Variants in BTBD9 observed in about 807,000 individuals in gnomAD.
BTBD9 encodes BTB domain containing 9, also known as BTB/POZ domain-containing protein 9.
Under a neutral mutation model 64.3 loss-of-function variants are expected in BTBD9, and 49 were observed. The observed-to-expected ratio is 0.76, with a 90% CI of 0.61 to 0.97. BTBD9 has a LOEUF of 0.97. Among genes scored for constraint, BTBD9 ranks in the 50% least tolerant of loss-of-function variants. BTBD9 has a pLI of 0.00. For synonymous variants in BTBD9, 260 were observed against 274.7 expected, an observed-to-expected ratio of 0.95 and a Z score of 0.53; for missense variants, 598 against 762.1, an observed-to-expected ratio of 0.78 and a Z score of 2.53.
intron 6 of BTBD9, among the ~76,000 whole-genome samples, chr6:38,408,290 C>T (rs1767259229): frequency 6.6e-6 from 1 of 152,078 alleles, no homozygotes. Flanking sequence ...CCCAGGAGTT[C>T]AAGTCTGCAG....
chr6:38,636,559 G>C (rs2127537264), intron 1 of BTBD9, among the ~76,000 whole-genome samples: 1 of 152,236 alleles, frequency 6.6e-6, no homozygotes, highest in South Asian at 2.1e-4. Flanking sequence ...CTTACCTCTA[G>C]CTGGTCATAA....
chr6:38,553,405 C>T (rs1774895426), intron 6 of BTBD9, among the ~76,000 whole-genome samples: 1 of 152,202 alleles, frequency 6.6e-6, no homozygotes, highest in Admixed American at 6.5e-5. Flanking sequence ...ACAGATCCAA[C>T]ACAAAGCTGT....
intron 9 of BTBD9, among the ~76,000 whole-genome samples, chr6:38,197,843 C>T (rs1762315911): frequency 6.6e-6 from 1 of 152,188 alleles, no homozygotes; most frequent in Admixed American, 6.5e-5. Flanking sequence ...GGATTACACA[C>T]ACTAAACTGT....
chr6:38,322,781 T>A (rs1202017633), intron 7 of BTBD9, among the ~76,000 whole-genome samples: 1 of 152,244 alleles, frequency 6.6e-6, no homozygotes, highest in Admixed American at 6.5e-5. Context: ...AAAATTATTA[T>A]AACTGATTTA....
Position 38,573,656 on chromosome 6 carries a change from C to G in BTBD9, c.1154+3944G>C, listed in dbSNP as rs117715678. Among the ~76,000 whole-genome samples, 334 of 152,316 alleles carry G rather than the reference C, an allele frequency of 2.2e-3. 6 individuals are homozygous for G. The East Asian group carries it at 0.036, about 17-fold the overall frequency. ...AGGTTTTAGACCAAGATCCCACTTG[C>G]AATTCCAGCCACCAGTCACATGCAC... On this transcript the variant is annotated intron_variant, in intron 6 of 10. Coordinates refer to ENST00000481247, the MANE Select transcript of BTBD9 (RefSeq NM_001099272.2).
intron 6 of BTBD9, among the ~76,000 whole-genome samples, chr6:38,572,496 T>TA (rs577932499): frequency 1.4e-3 from 208 of 152,102 alleles, no homozygotes; most frequent in African/African-American, 4.7e-3. Context: ...CTATGACACA[T>TA]ATGGCACACA....
chr6:38,605,414 T>C (rs1777398516), intron 1 of BTBD9, among the ~76,000 whole-genome samples: 1 of 152,104 alleles, frequency 6.6e-6, no homozygotes, highest in African/African-American at 2.4e-5. Flanking sequence ...TCAAAAACAG[T>C]CATTTGTGTC....
chr6:38,287,109 TACACACACACACACACAC>T (rs70981534), intron 8 of BTBD9, among the ~76,000 whole-genome samples: 3 of 87,000 alleles, frequency 3.4e-5, no homozygotes, highest in East Asian at 7.4e-4. Flanking sequence ...AAAAAAAATA[TACACACACACACACACAC>T]ACACACACAC....
chr6:38,353,348 G>T (rs1224539000), intron 6 of BTBD9, among the ~76,000 whole-genome samples: 1 of 151,332 alleles, frequency 6.6e-6, no homozygotes, highest in East Asian at 1.9e-4. Context: ...AGGGATTATA[G>T]AGAGAGAAAA....
chr6:38,183,238 A>G (rs1248465468), intron 10 of BTBD9, among the ~76,000 whole-genome samples: 1 of 152,174 alleles, frequency 6.6e-6, no homozygotes, highest in Non-Finnish European at 1.5e-5. Flanking sequence ...CGGCCTCCCA[A>G]AGTGCTGGGA....
chr6:38,256,467 C>A lies in BTBD9; in HGVS notation c.1504G>T (p.Val502Phe). Residue 502 changes from valine to phenylalanine, a missense_variant, in exon 9 of 11, where the codon GTT (valine) becomes TTT (phenylalanine). Coordinates refer to ENST00000481247, the MANE Select transcript of BTBD9 (RefSeq NM_001099272.2). ...GTCCACTGTTGCTGGTTGGTAGAAA[C>A]CTCAACGTAGTAGCTATAGCTTCGA... ...DDRSYSYYVEVSTNQQQWTMV... is the reference protein window; with the variant it reads ...DDRSYSYYVEFSTNQQQWTMV... 6.2e-7 allele frequency: 1 copy of A among 1,614,074 alleles called. No individual in the cohort carries two copies.
Position 38,639,569 on chromosome 6 carries a change from G to A in BTBD9, c.-28+231C>T, listed in dbSNP as rs370430224. Among the ~76,000 whole-genome samples, 79 of 152,246 alleles carry A rather than the reference G, an allele frequency of 5.2e-4. No homozygotes were observed. In the South Asian group the frequency reaches 7.7e-3, roughly 15 times the overall value. On this transcript the variant is annotated intron_variant, in intron 1 of 10. Transcript: ENST00000481247. The stretch of plus-strand genomic sequence containing the variant: ...TAGAGCCACCCCGAATCCCCGAAAC[G>A]TCTACTTCCCACTACACCTTCGTGG...
At chr6:38,488,203 G>A (rs550581479) in intron 6 of BTBD9, among the ~76,000 whole-genome samples, 2 of 151,888 alleles carry the variant, frequency 1.3e-5, no homozygotes, top group East Asian at 1.9e-4. Context: ...CTCCCACTTC[G>A]GCCCCCCAAA....
Position 38,589,479 on chromosome 6 carries a change from C to T in BTBD9, c.814+3097G>A, listed in dbSNP as rs187923168. ...GATCCGACATGATAATTTGAAAAGCCTAACACTAATTACTCATCTTACTAC... is the reference window on the plus strand; with the variant it reads ...GATCCGACATGATAATTTGAAAAGCTTAACACTAATTACTCATCTTACTAC... On this transcript the variant is annotated intron_variant, in intron 4 of 10. Coordinates refer to ENST00000481247, the MANE Select transcript of BTBD9 (RefSeq NM_001099272.2). Among the ~76,000 whole-genome samples, 168 of 152,256 alleles carry T rather than the reference C, an allele frequency of 1.1e-3. 1 individual carries two copies. In the Middle Eastern group the frequency reaches 0.014, roughly 12 times the overall value.
intron 7 of BTBD9, 47 bp downstream of exon 7, chr6:38,344,937 G>T: frequency 8.1e-7 from 1 of 1,238,524 alleles, no homozygotes; most frequent in Admixed American, 1.9e-5. Context: ...AGTATTTGAA[G>T]ATAAAATATC....
intron 6 of BTBD9, among the ~76,000 whole-genome samples, chr6:38,562,280 C>T (rs989357084): frequency 6.6e-6 from 1 of 152,188 alleles, no homozygotes; most frequent in Admixed American, 6.5e-5. Flanking sequence ...TCAGTTTCTT[C>T]CTCCTGAATC....
chr6:38,186,387 A>G (rs908884220), intron 10 of BTBD9, among the ~76,000 whole-genome samples: 3 of 152,230 alleles, frequency 2.0e-5, no homozygotes, highest in Non-Finnish European at 4.4e-5. Context: ...AAGCTAGGAG[A>G]TGCTGAGATA....
At chr6:38,200,482 T>C (rs1195401323) in intron 9 of BTBD9, among the ~76,000 whole-genome samples, 4 of 152,046 alleles carry the variant, frequency 2.6e-5, no homozygotes, top group African/African-American at 7.2e-5. Flanking sequence ...AATGGAAAAT[T>C]GGTTCTTAGA....
intron 7 of BTBD9, among the ~76,000 whole-genome samples, chr6:38,294,512 T>C (rs945618688): frequency 1.3e-5 from 2 of 152,224 alleles, no homozygotes; most frequent in East Asian, 1.9e-4. Context: ...GGGACATGCA[T>C]GGAGCTGGAA....
Sources: allele counts gnomAD v4.1 joint callset (sites outside exome capture counted in the v4.1 genomes callset), GRCh38; gene constraint gnomAD v4.1.1; transcripts MANE v1.5; gene names NCBI Gene and HGNC (gene_info 2026-07-23, HGNC 2026-07-21).